Variants in RET observed in about 807,000 individuals in gnomAD.
RET encodes ret proto-oncogene.
RET carries 19 observed loss-of-function variants against 118.3 expected under a neutral mutation model. The observed-to-expected ratio is 0.16, with a 90% CI of 0.11 to 0.24. The LOEUF (loss-of-function observed/expected upper bound fraction) is 0.24, where lower values mean the gene tolerates loss of function less well. Among genes scored for constraint, RET ranks in the 10% least tolerant of loss-of-function variants. The probability of loss-of-function intolerance (pLI) is 1.00; values close to 1 mark genes in which losing one functional copy is unlikely to be tolerated. For synonymous variants in RET, 597 were observed against 644.1 expected (o/e 0.93, Z 1.11); for missense variants, 1,219 against 1,502.1 (o/e 0.81, Z 3.12).
intron 2 of RET, 29 bp from the exon 3 acceptor site, chr10:43,102,313 G>T (rs1837657064): frequency 6.2e-7 from 1 of 1,612,116 alleles, no homozygotes. Context: ...TGTGGCCGAT[G>T]CCCCCACAGA....
At chr10:43,091,792 C>T (rs973647216) in intron 1 of RET, among the ~76,000 whole-genome samples, 1 of 145,790 alleles carries the variant, frequency 6.9e-6, no homozygotes, top group East Asian at 2.0e-4. Flanking sequence ...CCATGTGATA[C>T]CATCTCACAC....
chr10:43,128,478 C>T lies in RET; in HGVS notation c.*209C>T, dbSNP rs1047959746. The T allele has an allele frequency of 7.9e-6, 5 of 632,554 alleles. No homozygotes were observed. The highest frequency in any genetic ancestry group is 1.4e-5 in the Non-Finnish European group (5 of 352,352). The allele number at this position is 632,554 out of a possible 1,614,324, so 39.2% of individuals were successfully genotyped here. A position where few individuals can be genotyped will look rare whatever the true frequency, so the allele number is the denominator to read the frequency against. ...TTCCCTCCTAGCAGACATGCCACAC[C>T]GGGTAAGAGCTCTGAGTCTTAGTGG... On this transcript the variant is annotated 3_prime_UTR_variant, in exon 20 of 20. Coordinates refer to ENST00000355710, the MANE Select transcript of RET (RefSeq NM_020975.6).
intron 1 of RET, among the ~76,000 whole-genome samples, chr10:43,088,041 TGTGGTG>T (rs760965241): frequency 7.3e-5 from 11 of 151,408 alleles, no homozygotes; most frequent in East Asian, 1.9e-4. Context: ...GAGTGGTGGT[TGTGGTG>T]GTGGTGGTGG....
chr10:43,090,079 A>C (rs1656505844), intron 1 of RET, among the ~76,000 whole-genome samples: 1 of 152,208 alleles, frequency 6.6e-6, no homozygotes, highest in Non-Finnish European at 1.5e-5. Flanking sequence ...GCAGCTGCAC[A>C]TACCAGGCTC....
chr10:43,125,070 G>A (rs1838301834), intron 18 of RET, 88 bp downstream of exon 18: 1 of 1,210,442 alleles, frequency 8.3e-7, no homozygotes. Context: ...AGCCCTCAGA[G>A]TTCCCAGTGT....
At position 43,128,399 on chromosome 10, in the gene RET, T is replaced by C; in HGVS notation, c.*130T>C. On this transcript the variant is annotated 3_prime_UTR_variant, in exon 20 of 20. Coordinates refer to ENST00000355710, the MANE Select transcript of RET (RefSeq NM_020975.6). ...TCAGTTCCCAGGTGGCAGACTCGTT[T>C]TTGGTAGTTTGTTTTAACTTCCAAG... The C allele has an allele frequency of 9.2e-7, 1 of 1,092,886 alleles. No individual in the cohort carries two copies. 67.7% of individuals were successfully genotyped at this position (1,092,886 alleles called of 1,614,324 possible).
chr10:43,090,167 C>A lies in RET; in HGVS notation c.74-10292C>A, dbSNP rs184369984. 4.7e-3 allele frequency among the ~76,000 whole-genome samples: 723 copies of A among 152,338 alleles called. 2 individuals carry two copies. The highest frequency in any genetic ancestry group is 0.014 in the Middle Eastern group (4 of 294). On this transcript the variant is annotated intron_variant, in intron 1 of 19. Coordinates refer to ENST00000355710, the MANE Select transcript of RET (RefSeq NM_020975.6). ...GGCTCAGAGAGACACCTGTGAACAGCTGTGTTTGGTGGCTGCCCTGGGCAG... is the reference window on the plus strand; with the variant it reads ...GGCTCAGAGAGACACCTGTGAACAGATGTGTTTGGTGGCTGCCCTGGGCAG...
At chr10:43,120,634 G>A (rs145059099) in intron 15 of RET, among the ~76,000 whole-genome samples, 398 of 152,348 alleles carry the variant, frequency 2.6e-3, no homozygotes, top group African/African-American at 8.5e-3. Flanking sequence ...GGCTTCTCCC[G>A]CACAGGGGCC....
chr10:43,129,549 A>C lies in RET; in HGVS notation c.*1280A>C. 8.4e-6 allele frequency: 2 copies of C among 238,458 alleles called. No homozygotes were observed. Among genetic ancestry groups the C allele is most frequent in the Non-Finnish European group, 1.6e-5 (2 of 121,620 alleles). 14.8% of individuals were successfully genotyped at this position (238,458 alleles called of 1,614,324 possible). A position where few individuals can be genotyped will look rare whatever the true frequency, so the allele number is the denominator to read the frequency against. ...AACACTCCTCCAGTCTTGTGGGGGC[A>C]GCTTTTGGGAAGTCTCAGCAGCTCT... On this transcript the variant is annotated 3_prime_UTR_variant, in exon 20 of 20. Transcript: ENST00000355710.
At chr10:43,087,626 G>A (rs1450660637) in intron 1 of RET, among the ~76,000 whole-genome samples, 3 of 152,208 alleles carry the variant, frequency 2.0e-5, no homozygotes, top group Non-Finnish European at 4.4e-5. Context: ...CTGATGCAGT[G>A]TGCTCCCGAA....
chr10:43,084,831 A>C (rs1837256572), intron 1 of RET, among the ~76,000 whole-genome samples: 1 of 152,068 alleles, frequency 6.6e-6, no homozygotes, highest in Non-Finnish European at 1.5e-5. Flanking sequence ...CCTCTCAGGA[A>C]CCGCCCTGTG....
intron 5 of RET, among the ~76,000 whole-genome samples, chr10:43,107,440 G>A (rs1440880541): frequency 6.6e-6 from 1 of 152,098 alleles, no homozygotes; most frequent in African/African-American, 2.4e-5. Flanking sequence ...GGGTCATTGG[G>A]TCTGCTGGAG....
At chr10:43,102,308 C>T (rs778867552) in intron 2 of RET, 34 bp from the exon 3 acceptor site, 4 of 1,611,354 alleles carry the variant, frequency 2.5e-6, no homozygotes, top group Non-Finnish European at 1.7e-6. Context: ...GCAGATGTGG[C>T]CGATGCCCCC....
intron 1 of RET, among the ~76,000 whole-genome samples, chr10:43,084,078 G>A (rs546859058): frequency 5.3e-5 from 8 of 152,312 alleles, no homozygotes; most frequent in African/African-American, 1.9e-4. Context: ...GCACACATCA[G>A]CCCCTTCCTG....
At position 43,128,129 on chromosome 10, in the gene RET, T is replaced by C. The variant is rs1432376339; in HGVS notation, c.3205T>C (p.Trp1069Arg). The change falls in exon 20 of 20, where the codon TGG (tryptophan) becomes CGG (arginine). Residue 1069 changes from tryptophan to arginine, a missense_variant. This residue lies in a region of RET where 174 missense variants were observed against 179.3 expected (regional missense o/e 0.97). Transcript: ENST00000355710. ...NKLYGMSDPN[W>R]PGESPVPLTR... ...ATTTTTAGGCATGTCAGACCCGAAC[T>C]GGCCTGGAGAGAGTCCTGTACCACT... 1.9e-6 allele frequency: 3 copies of C among 1,614,194 alleles called. No homozygotes were observed. Among genetic ancestry groups the C allele is most frequent in the Non-Finnish European group, 2.5e-6 (3 of 1,180,034 alleles).
At chr10:43,112,061 G>A (rs1174099702) in intron 7 of RET, 38 bp from the exon 8 acceptor site, 4 of 1,575,146 alleles carry the variant, frequency 2.5e-6, no homozygotes, top group South Asian at 1.2e-5. Context: ...CTGGGCCCAG[G>A]CCAGCCCCCT....
Position 43,128,261 on chromosome 10 carries a change from G to A in RET, c.3337G>A (p.Asp1113Asn), listed in dbSNP as rs1838378725. 1 of 1,614,196 alleles carries A rather than the reference G, an allele frequency of 6.2e-7. No individual in the cohort carries two copies. Among genetic ancestry groups the A allele is most frequent in the Non-Finnish European group, 8.5e-7 (1 of 1,180,034 alleles). ...PSAAKLMDTF[D>N]S is the part of the protein sequence containing the mutation. ...AGCGGCAAAATTAATGGACACGTTT[G>A]ATAGTTAACATTTCTTTGTGAAAGG... is the stretch of plus-strand genomic sequence containing the variant. The change falls in exon 20 of 20, where the codon GAT becomes AAT. Residue 1113 changes from aspartate (D) to asparagine (N), a missense_variant. Physicochemically the swap from Asp to Asn is conservative, Grantham distance 23 (BLOSUM62 1). Around this residue, in one of 5 missense-constraint regions of RET, gnomAD observed 174 missense variants for 179.3 expected, o/e 0.97. Transcript: ENST00000355710.
intron 1 of RET, among the ~76,000 whole-genome samples, chr10:43,079,796 C>T (rs1257472231): frequency 6.6e-6 from 1 of 152,202 alleles, no homozygotes; most frequent in Non-Finnish European, 1.5e-5. Context: ...AGGCAGCCCA[C>T]CCCTGCCTGA....
At position 43,119,541 on chromosome 10, in the gene RET, C is replaced by T. The variant is rs1554819519; in HGVS notation, c.2403C>T (p.Leu801=). 6.2e-7 allele frequency: 1 copy of T among 1,602,994 alleles called. No homozygotes were observed. The highest frequency in any genetic ancestry group is 8.5e-7 in the Non-Finnish European group (1 of 1,176,968). The change falls in exon 14 of 20, where the codon CTC becomes CTT. Residue 801 remains leucine, a synonymous_variant. Transcript: ENST00000355710. ...YGACSQDGPL[L]LIVEYAKYGS... ...TCTCTCCGCCCCCAGGCCCGCTCCT[C>T]CTCATCGTGGAGTACGCCAAATACG...
Sources: allele counts gnomAD v4.1 joint callset (sites outside exome capture counted in the v4.1 genomes callset), GRCh38; gene constraint gnomAD v4.1.1; regional missense constraint gnomAD v4.1.1; transcripts MANE v1.5; gene names NCBI Gene and HGNC (gene_info 2026-07-23, HGNC 2026-07-21).